Variants in TSEN2 observed in about 807,000 individuals in gnomAD.
The protein encoded by TSEN2 is tRNA splicing endonuclease subunit 2.
TSEN2 carries 54 observed loss-of-function variants against 59.2 expected under a neutral mutation model. The ratio of observed to expected loss-of-function variants is 0.91; its 90% confidence interval spans 0.73 to 1.14. The LOEUF (loss-of-function observed/expected upper bound fraction) is 1.14, where lower values mean the gene tolerates loss of function less well. TSEN2 is among the 50% of genes most tolerant of loss of function. The pLI is 0.00. For missense variants in TSEN2, 636 were observed against 576.2 expected (o/e 1.10, Z -1.06); for synonymous variants, 195 against 198.2 (o/e 0.98, Z 0.14).
At chr3:12,498,871 T>G (rs1331617456) in intron 4 of TSEN2, among the ~76,000 whole-genome samples, 1 of 152,136 alleles carries the variant, frequency 6.6e-6, no homozygotes, top group South Asian at 2.1e-4. Flanking sequence ...ATAAGAAAAA[T>G]TGATGCATGT....
Position 12,532,919 on chromosome 3 carries a change from A to C in TSEN2, c.*198A>C, listed in dbSNP as rs551722010. ...TCCCTGTGCTAGGACTGCAGATTCTATACTTGCGTTGGCCTCTAACTCTCC... is the reference window on the plus strand; with the variant it reads ...TCCCTGTGCTAGGACTGCAGATTCTCTACTTGCGTTGGCCTCTAACTCTCC... On this transcript the variant is annotated 3_prime_UTR_variant, in exon 12 of 12. Transcript: ENST00000284995. 5 of 623,904 alleles carry C rather than the reference A, an allele frequency of 8.0e-6. No individual in the cohort carries two copies. Among genetic ancestry groups the C allele is most frequent in the South Asian group, 7.7e-5 (4 of 51,674 alleles). 38.6% of individuals were successfully genotyped at this position (623,904 alleles called of 1,614,324 possible).
rs2057464182 is a variant in TSEN2 at position 12,531,623 on chromosome 3, GGA to G, written c.1304_1305del (p.Glu435ValfsTer9). The stretch of plus-strand genomic sequence containing the variant: ...CCTCTACTATGACTGACAAGGAAAT[GGA>G]GTCACCAGAATGTATGAAAAGGATT... ...KPSTMTDKEM[E>X]SPECMKRIKV... On this transcript the variant is annotated frameshift_variant, in exon 11 of 12. Coordinates refer to ENST00000284995, the MANE Select transcript of TSEN2 (RefSeq NM_025265.4). LOFTEE classifies it high-confidence loss of function. The G allele has an allele frequency of 6.2e-7, 1 of 1,612,760 alleles. No individual in the cohort carries two copies. Among genetic ancestry groups the G allele is most frequent in the Non-Finnish European group, 8.5e-7 (1 of 1,178,882 alleles).
intron 6 of TSEN2, 107 bp downstream of exon 6, chr3:12,505,338 A>G (rs2054698729): frequency 1.3e-6 from 1 of 776,232 alleles, no homozygotes; most frequent in African/African-American, 1.7e-5. Flanking sequence ...CAATTATTGA[A>G]TATTGTAATT....
intron 6 of TSEN2, among the ~76,000 whole-genome samples, chr3:12,513,102 G>C (rs945848843): frequency 3.9e-5 from 6 of 152,300 alleles, no homozygotes; most frequent in African/African-American, 1.2e-4. Flanking sequence ...TCTGTAGTAA[G>C]TGCCTAGTCG....
chr3:12,525,616 G>A (rs1291342199), intron 8 of TSEN2, among the ~76,000 whole-genome samples: 1 of 152,140 alleles, frequency 6.6e-6, no homozygotes, highest in African/African-American at 2.4e-5. Context: ...GAGTGCAGTG[G>A]CACAATCTCA....
chr3:12,496,044 G>C (rs2053714969), intron 3 of TSEN2, among the ~76,000 whole-genome samples: 1 of 152,212 alleles, frequency 6.6e-6, no homozygotes, highest in Admixed American at 6.5e-5. Flanking sequence ...GCTAGAGCTG[G>C]ATCCCTGAAC....
At chr3:12,490,162 A>AT (rs1270603115) in intron 2 of TSEN2, among the ~76,000 whole-genome samples, 173 bp downstream of exon 2, 3 of 152,194 alleles carry the variant, frequency 2.0e-5, no homozygotes, top group African/African-American at 7.2e-5. Flanking sequence ...CCCAAAAGCC[A>AT]TATGTTAGGG....
intron 1 of TSEN2, among the ~76,000 whole-genome samples, chr3:12,486,522 TCTTTA>T (rs1231569525): frequency 3.3e-5 from 5 of 152,220 alleles, no homozygotes; most frequent in Non-Finnish European, 5.9e-5. Context: ...CTGGGGAATG[TCTTTA>T]CTTCTGAATT....
chr3:12,499,471 A>T (rs1162420462), intron 4 of TSEN2, among the ~76,000 whole-genome samples: 1 of 152,200 alleles, frequency 6.6e-6, no homozygotes, highest in East Asian at 1.9e-4. Context: ...AGATACCATC[A>T]CCATTATAGC....
Position 12,484,514 on chromosome 3 carries a change from AAAGGT to A in TSEN2, c.-379_-375del, listed in dbSNP as rs1460301457. The A allele has an allele frequency of 6.6e-6, 1 of 152,224 alleles. No individual in the cohort carries two copies. Among genetic ancestry groups the A allele is most frequent in the Non-Finnish European group, 1.5e-5 (1 of 68,040 alleles). The allele number at this position is 152,224 out of a possible 1,614,324, so 9.4% of individuals were successfully genotyped here. The stretch of plus-strand genomic sequence containing the variant: ...GTAACGGCGAGCGCGTGGGGCCAAG[AAAGGT>A]AAGGGCCCTGGGCGAGGAAAGCGCG... On this transcript the variant is annotated 5_prime_UTR_variant, in exon 1 of 12. Transcript: ENST00000284995.
intron 8 of TSEN2, among the ~76,000 whole-genome samples, chr3:12,520,159 C>T (rs527424006): frequency 7.9e-5 from 12 of 152,238 alleles, no homozygotes; most frequent in South Asian, 4.1e-4. Flanking sequence ...CCATCACACC[C>T]GGCTAATTTT....
Position 12,506,020 on chromosome 3 carries a change from G to A in TSEN2, c.909+789G>A, listed in dbSNP as rs140344885. On this transcript the variant is annotated intron_variant, in intron 6 of 11. Coordinates refer to ENST00000284995, the MANE Select transcript of TSEN2 (RefSeq NM_025265.4). Reference sequence around the variant, plus strand: ...TTGTTAACAGATGCTGACTGGTGATGCCGGGGGTAGGGGGGTGGAAAGAAG... The same window carrying A: ...TTGTTAACAGATGCTGACTGGTGATACCGGGGGTAGGGGGGTGGAAAGAAG... 3.1e-3 allele frequency among the ~76,000 whole-genome samples: 478 copies of A among 152,250 alleles called. 3 individuals are homozygous for A. The highest frequency in any genetic ancestry group is 0.011 in the African/African-American group (448 of 41,540).
rs769098770 is a variant in TSEN2 at position 12,529,859 on chromosome 3, G to A, written c.1234G>A (p.Val412Ile). 42 of 1,613,770 alleles carry A rather than the reference G, an allele frequency of 2.6e-5. 1 individual carries two copies. The Admixed American group carries it at 3.8e-4, about 15-fold the overall frequency. ...KSLAALSRVS[V>I]NVSKELMLCY... is the part of the protein sequence containing the mutation. ...CCTGGCTGCCTTGAGCAGAGTTTCC[G>A]TTAATGTCTCTAAGGTAACACAACA... Residue 412 changes from valine (V) to isoleucine (I), a missense_variant, in exon 10 of 12, where the codon GTT becomes ATT. Val to Ile is a conservative substitution (Grantham distance 29). Transcript: ENST00000284995.
intron 8 of TSEN2, among the ~76,000 whole-genome samples, chr3:12,522,099 T>C (rs751950282): frequency 2.6e-5 from 4 of 152,244 alleles, no homozygotes; most frequent in Non-Finnish European, 4.4e-5. Context: ...TGTATTGTTA[T>C]AATTGTTCAT....
intron 8 of TSEN2, among the ~76,000 whole-genome samples, chr3:12,527,744 A>C (rs1575459092): frequency 6.6e-6 from 1 of 152,200 alleles, no homozygotes; most frequent in East Asian, 1.9e-4. Flanking sequence ...TCAACTCCAA[A>C]AGATGCTTTA....
At chr3:12,493,132 ATAT>A (rs148599903) in intron 3 of TSEN2, among the ~76,000 whole-genome samples, 3,716 of 152,332 alleles carry the variant, frequency 0.024, 65 homozygotes, top group South Asian at 0.059. Flanking sequence ...TAGTGGAATA[ATAT>A]TCCATTGTTT....
At chr3:12,486,049 C>T (rs2124879627) in intron 1 of TSEN2, among the ~76,000 whole-genome samples, 1 of 152,304 alleles carries the variant, frequency 6.6e-6, no homozygotes, top group South Asian at 2.1e-4. Context: ...GCATAAGTTA[C>T]ATGCAAATAC....
At chr3:12,496,647 C>G in intron 4 of TSEN2, 93 bp downstream of exon 4, 4 of 1,282,898 alleles carry the variant, frequency 3.1e-6, no homozygotes, top group Non-Finnish European at 4.5e-6. Flanking sequence ...CCAGTCCACA[C>G]CTTTTTTTCT....
At chr3:12,530,794 C>A in intron 10 of TSEN2, 1 of 977,048 alleles carries the variant, frequency 1.0e-6, no homozygotes, top group Non-Finnish European at 1.2e-6. Context: ...TTGATATGTT[C>A]TTGGAAACTG....
Sources: allele counts gnomAD v4.1 joint callset (sites outside exome capture counted in the v4.1 genomes callset), GRCh38; gene constraint gnomAD v4.1.1; transcripts MANE v1.5; gene names NCBI Gene and HGNC (gene_info 2026-07-23, HGNC 2026-07-21).